Variants in TBX15 observed in about 807,000 individuals in gnomAD.
TBX15 encodes the protein T-box transcription factor TBX15.
Under a neutral mutation model 53.9 loss-of-function variants are expected in TBX15, and 18 were observed. The ratio of observed to expected loss-of-function variants is 0.33; its 90% CI spans 0.23 to 0.49. TBX15 has a LOEUF of 0.49. Ranked by LOEUF, TBX15 falls within the 20% of genes least tolerant of loss-of-function variation. The pLI is 0.98. For missense variants in TBX15, 692 were observed against 749.5 expected, an observed-to-expected ratio of 0.92 and a Z score of 0.90; for synonymous variants, 295 against 278.0, an observed-to-expected ratio of 1.06 and a Z score of -0.61.
intron 1 of TBX15, among the ~76,000 whole-genome samples, chr1:118,941,006 C>T (rs2101634851): frequency 6.6e-6 from 1 of 152,284 alleles, no homozygotes; most frequent in South Asian, 2.1e-4. Context: ...CAAGATTTAC[C>T]AATTTCAGGT....
intron 1 of TBX15, 74 bp from the exon 2 acceptor site, chr1:118,931,906 G>T: frequency 1.4e-6 from 2 of 1,459,574 alleles, no homozygotes; most frequent in Non-Finnish European, 1.9e-6. Flanking sequence ...AAAGATGGGG[G>T]TGGGAAATGC....
chr1:118,939,536 A>G (rs1160770397), intron 1 of TBX15, among the ~76,000 whole-genome samples: 1 of 151,714 alleles, frequency 6.6e-6, no homozygotes, highest in African/African-American at 2.4e-5. Flanking sequence ...ACAGACACTG[A>G]AGACTGCTAG....
intron 7 of TBX15, 36 bp from the exon 8 acceptor site, chr1:118,885,552 T>G (rs916228976): frequency 6.4e-7 from 1 of 1,551,036 alleles, no homozygotes; most frequent in Non-Finnish European, 8.7e-7. Context: ...TGAGACAGAG[T>G]CTTTTAAGAT....
intron 1 of TBX15, among the ~76,000 whole-genome samples, chr1:118,964,985 G>C (rs1357030922): frequency 6.6e-6 from 1 of 152,224 alleles, no homozygotes; most frequent in Non-Finnish European, 1.5e-5. Flanking sequence ...AGGTTGCCCT[G>C]CCGTTCTTTG....
chr1:118,896,933 A>G (rs1015642037), intron 7 of TBX15, among the ~76,000 whole-genome samples: 27 of 152,268 alleles, frequency 1.8e-4, no homozygotes, highest in African/African-American at 6.5e-4. Flanking sequence ...CAATTAAACT[A>G]TTTAATAGAG....
At chr1:118,914,989 T>C (rs1655151615) in intron 5 of TBX15, among the ~76,000 whole-genome samples, 1 of 152,206 alleles carries the variant, frequency 6.6e-6, no homozygotes, top group Non-Finnish European at 1.5e-5. Flanking sequence ...TCCCCATCCA[T>C]TGCATCCTAT....
intron 2 of TBX15, among the ~76,000 whole-genome samples, chr1:118,928,760 CTG>C (rs1431436072): frequency 2.0e-5 from 3 of 152,198 alleles, no homozygotes; most frequent in Non-Finnish European, 4.4e-5. Flanking sequence ...AATATCTGTT[CTG>C]TCTGGAACCA....
chr1:118,884,563 G>A lies in TBX15; in HGVS notation c.*169C>T, dbSNP rs1051934860. On this transcript the variant is annotated 3_prime_UTR_variant, in exon 8 of 8. Transcript: ENST00000369429. The stretch of plus-strand genomic sequence containing the variant: ...ATTCTATCGCAAGTATCCTTCACTG[G>A]CTTAAAGGTATCTCTTGTTCTTGGG... 2 of 795,308 alleles carry A rather than the reference G, an allele frequency of 2.5e-6. No individual in the cohort carries two copies. Among genetic ancestry groups the A allele is most frequent in the African/African-American group, 3.6e-5 (2 of 56,128 alleles). The allele number at this position is 795,308 out of a possible 1,614,324, so 49.3% of individuals were successfully genotyped here. A position where few individuals can be genotyped will look rare whatever the true frequency, so the allele number is the denominator to read the frequency against.
At position 118,923,543 on chromosome 1, in the gene TBX15, T is replaced by C; in HGVS notation, c.754A>G (p.Ser252Gly). The C allele has an allele frequency of 6.2e-7, 1 of 1,614,036 alleles. No homozygotes were observed. The highest frequency in any genetic ancestry group is 8.5e-7 in the Non-Finnish European group (1 of 1,179,936). The change falls in exon 5 of 8, where the codon AGC becomes GGC. Residue 252 changes from serine to glycine, a missense_variant. By Grantham distance (56) the Ser-to-Gly change is moderately conservative. Transcript: ENST00000369429. ...GGCTTAGTGGGTGAAAGGTCACTGC[T>C]GAAGTCTTTGCGAATCACATGAACT... ...PRVHVIRKDFSSDLSPTKPVP... is the reference protein window; with the variant it reads ...PRVHVIRKDFGSDLSPTKPVP...
At chr1:118,919,968 AT>A (rs1655368084) in intron 5 of TBX15, among the ~76,000 whole-genome samples, 1 of 152,108 alleles carries the variant, frequency 6.6e-6, no homozygotes, top group Non-Finnish European at 1.5e-5. Context: ...ATATTTCTTT[AT>A]TTTTCTCATT....
intron 2 of TBX15, among the ~76,000 whole-genome samples, chr1:118,930,930 A>T (rs755871987): frequency 2.6e-5 from 4 of 152,204 alleles, no homozygotes; most frequent in Non-Finnish European, 5.9e-5. Context: ...ATTATGTCCA[A>T]CCTCATAGGG....
chr1:118,887,456 C>G (rs1653983481), intron 7 of TBX15, among the ~76,000 whole-genome samples: 1 of 152,198 alleles, frequency 6.6e-6, no homozygotes, highest in Admixed American at 6.5e-5. Context: ...AGGTGGATCA[C>G]TTGAGGTCAG....
chr1:118,895,445 G>A (rs1654390318), intron 7 of TBX15, among the ~76,000 whole-genome samples: 1 of 152,294 alleles, frequency 6.6e-6, no homozygotes, highest in South Asian at 2.1e-4. Flanking sequence ...TATACATGAG[G>A]AAGTTGAGGC....
At chr1:118,888,772 A>G (rs756049327) in intron 7 of TBX15, among the ~76,000 whole-genome samples, 6 of 152,182 alleles carry the variant, frequency 3.9e-5, no homozygotes, top group Admixed American at 1.3e-4. Flanking sequence ...GGTATGTTCT[A>G]TCAGGCACTG....
chr1:118,896,081 T>C (rs1235142125), intron 7 of TBX15, among the ~76,000 whole-genome samples: 4 of 152,012 alleles, frequency 2.6e-5, no homozygotes, highest in Non-Finnish European at 4.4e-5. Context: ...CATTATGAGA[T>C]TTTTTGTAGT....
At chr1:118,913,010 C>T (rs1289022444) in intron 6 of TBX15, among the ~76,000 whole-genome samples, 1 of 151,974 alleles carries the variant, frequency 6.6e-6, no homozygotes, top group East Asian at 1.9e-4. Flanking sequence ...TTTAAATATA[C>T]ATAAGTTTAG....
chr1:118,893,481 GGAAGGAAAGAAAGAAA>G (rs1473415677), intron 7 of TBX15, among the ~76,000 whole-genome samples: 4 of 83,886 alleles, frequency 4.8e-5, no homozygotes, highest in African/African-American at 1.2e-4. Flanking sequence ...AAGGAAGGAA[GGAAGGAAAGAAAGAAA>G]GAAAGAAAGA....
intron 7 of TBX15, among the ~76,000 whole-genome samples, chr1:118,890,391 A>C (rs181236319): frequency 6.6e-6 from 1 of 152,296 alleles, no homozygotes; most frequent in East Asian, 1.9e-4. Flanking sequence ...AGTGATTAAA[A>C]TATAATGCCC....
intron 6 of TBX15, among the ~76,000 whole-genome samples, chr1:118,910,574 G>A (rs1466675184): frequency 6.6e-6 from 1 of 152,168 alleles, no homozygotes; most frequent in African/African-American, 2.4e-5. Flanking sequence ...CCACCTGCAA[G>A]GTGGCATTAA....
Sources: allele counts gnomAD v4.1 joint callset (sites outside exome capture counted in the v4.1 genomes callset), GRCh38; gene constraint gnomAD v4.1.1; transcripts MANE v1.5; gene names NCBI Gene and HGNC (gene_info 2026-07-23, HGNC 2026-07-21).